The following SMARCAD1 variants were observed in gnomAD, a reference collection of about 807,000 sequenced individuals.
SMARCAD1 encodes the protein SNF2 related chromatin remodeling ATPase with DExD box 1, also known as SWI/SNF-related matrix-associated actin-dependent regulator of chromatin subfamily A containing DEAD/H box 1.
A neutral mutation model predicts 127.1 loss-of-function variants in SMARCAD1; 25 were observed. The observed-to-expected ratio is 0.20, with a 90% CI of 0.14 to 0.27. The LOEUF is 0.27. SMARCAD1 is among the 10% of genes least tolerant of loss of function. SMARCAD1 has a pLI of 1.00. For missense variants in SMARCAD1, 807 were observed against 1,206.0 expected (o/e 0.67, Z 4.90); for synonymous variants, 400 against 396.9 (o/e 1.01, Z -0.09).
At chr4:94,288,047 A>T (rs1283546013) in intron 23 of SMARCAD1, among the ~76,000 whole-genome samples, 1 of 152,008 alleles carries the variant, frequency 6.6e-6, no homozygotes, top group East Asian at 1.9e-4. Context: ...AAATACAGCG[A>T]TTTAACAGTT....
At chr4:94,258,502 A>G (rs1355734099) in intron 9 of SMARCAD1, among the ~76,000 whole-genome samples, 1 of 152,112 alleles carries the variant, frequency 6.6e-6, no homozygotes, top group East Asian at 1.9e-4. Flanking sequence ...CAGGAATCTT[A>G]TCACCTGCTC....
At chr4:94,258,376 A>G (rs1483602873) in intron 9 of SMARCAD1, among the ~76,000 whole-genome samples, 1 of 151,856 alleles carries the variant, frequency 6.6e-6, no homozygotes, top group Non-Finnish European at 1.5e-5. Context: ...GCTGGTCTTG[A>G]ACTCCTGACC....
At chr4:94,226,715 G>A (rs762848269) in intron 3 of SMARCAD1, among the ~76,000 whole-genome samples, 12 of 152,002 alleles carry the variant, frequency 7.9e-5, no homozygotes, top group Non-Finnish European at 1.5e-4. Flanking sequence ...AAATACAACA[G>A]TGAACAAACC....
chr4:94,259,376 ACT>A (rs146884256), intron 9 of SMARCAD1, among the ~76,000 whole-genome samples: 227 of 151,952 alleles, frequency 1.5e-3, no homozygotes, highest in African/African-American at 5.1e-3. Flanking sequence ...ATTCAATTAA[ACT>A]CTTTTTCCTT....
chr4:94,230,329 G>A (rs1345190553), intron 3 of SMARCAD1, among the ~76,000 whole-genome samples: 1 of 151,314 alleles, frequency 6.6e-6, no homozygotes, highest in Non-Finnish European at 1.5e-5. Flanking sequence ...CTACATGTGT[G>A]TATATTCATT....
At chr4:94,237,266 A>G (rs1157965232) in intron 5 of SMARCAD1, among the ~76,000 whole-genome samples, 4 of 152,142 alleles carry the variant, frequency 2.6e-5, no homozygotes, top group Non-Finnish European at 5.9e-5. Context: ...CTCTCTTTTT[A>G]AAGTATAATT....
chr4:94,208,145 A>G (rs977643924), intron 1 of SMARCAD1, 75 bp downstream of exon 1: 1 of 635,304 alleles, frequency 1.6e-6, no homozygotes, highest in Non-Finnish European at 2.9e-6. Context: ...GACGAAGGGG[A>G]GTGAAAAGCA....
rs574221125 is a variant in SMARCAD1, at chr4:94,249,277, T to G, written c.706-377T>G. Among the ~76,000 whole-genome samples the G allele has an allele frequency of 1.5e-4, 23 of 152,236 alleles. 1 individual carries two copies. The South Asian group carries it at 3.9e-3, about 26-fold the overall frequency. ...AAATTTATAGGTGGATATATAATAGTGAACATAGATGAGATATTTGTATCC... is the reference window on the plus strand; with the variant it reads ...AAATTTATAGGTGGATATATAATAGGGAACATAGATGAGATATTTGTATCC... On this transcript the variant is annotated intron_variant, in intron 6 of 23. Coordinates refer to ENST00000354268, the MANE Select transcript of SMARCAD1 (RefSeq NM_020159.5).
chr4:94,253,649 G>A lies in SMARCAD1; in HGVS notation c.1281+642G>A, dbSNP rs564056273. On this transcript the variant is annotated intron_variant, in intron 9 of 23. Transcript: ENST00000354268. ...TGGAAGCCTATAATTCAAGCGTTAG[G>A]TGAAGGGAAGGCATAAGCACTGGTA... 2.9e-6 allele frequency: 3 copies of A among 1,028,000 alleles called. No individual in the cohort carries two copies. In the Admixed American group the frequency reaches 1.5e-4, roughly 52 times the overall value. The allele number at this position is 1,028,000 out of a possible 1,614,324, so 63.7% of individuals were successfully genotyped here. A position where few individuals can be genotyped will look rare whatever the true frequency, so the allele number is the denominator to read the frequency against.
intron 3 of SMARCAD1, among the ~76,000 whole-genome samples, chr4:94,232,590 G>T (rs2632399): frequency 0.38 from 57,728 of 152,048 alleles, 11,966 homozygotes; most frequent in East Asian, 0.72. Context: ...AGGAAGAGGT[G>T]TATTTGCCTC....
intron 2 of SMARCAD1, among the ~76,000 whole-genome samples, chr4:94,215,368 C>T (rs1430105393): frequency 3.3e-5 from 5 of 152,022 alleles, no homozygotes; most frequent in Admixed American, 6.6e-5. Flanking sequence ...CCTGTAGAGT[C>T]GCAGCACTTT....
rs1229517841 is a variant in SMARCAD1 at position 94,208,399 on chromosome 4, A to G, written c.5A>G (p.Asn2Ser). 1.2e-6 allele frequency: 2 copies of G among 1,614,088 alleles called. No homozygotes were observed. The highest frequency in any genetic ancestry group is 1.1e-5 in the South Asian group (1 of 91,070). ...AAGGTGGTGCTTTCTACCAATATGA[A>G]TCTTTTCAACCTGGACCGTTTTCGC... M[N>S]LFNLDRFRFE... is the part of the protein sequence containing the mutation. The change falls in exon 2 of 24, where the codon AAT (asparagine) becomes AGT (serine). Residue 2 changes from asparagine to serine, a missense_variant. Around this residue, in one of 8 missense-constraint regions of SMARCAD1, gnomAD observed 175 missense variants for 169.5 expected, o/e 1.03. Transcript: ENST00000354268.
intron 2 of SMARCAD1, among the ~76,000 whole-genome samples, chr4:94,221,106 C>A (rs1744050595): frequency 6.6e-6 from 1 of 152,106 alleles, no homozygotes; most frequent in Admixed American, 6.5e-5. Context: ...GTGATAAAAC[C>A]CCAGTTTTCA....
chr4:94,263,289 T>G (rs1011593037), intron 9 of SMARCAD1, among the ~76,000 whole-genome samples: 4 of 152,118 alleles, frequency 2.6e-5, no homozygotes, highest in African/African-American at 9.7e-5. Flanking sequence ...AATTTTTGGT[T>G]GCATTTAAAA....
At chr4:94,243,444 G>C (rs894641384) in intron 6 of SMARCAD1, among the ~76,000 whole-genome samples, 1 of 152,096 alleles carries the variant, frequency 6.6e-6, no homozygotes, top group Non-Finnish European at 1.5e-5. Context: ...TTTAGGCTAG[G>C]TAAATCAGAT....
chr4:94,264,431 C>A, intron 9 of SMARCAD1: 1 of 286,584 alleles, frequency 3.5e-6, no homozygotes. Flanking sequence ...GAATAGCTGC[C>A]AGGGTCAAAG....
At chr4:94,288,570 G>GT (rs1351503992) in intron 23 of SMARCAD1, among the ~76,000 whole-genome samples, 2 of 151,782 alleles carry the variant, frequency 1.3e-5, no homozygotes, top group East Asian at 1.9e-4. Flanking sequence ...GTTTTGTTTT[G>GT]TTTTTTGTTT....
At chr4:94,258,325 T>A (rs1366614407) in intron 9 of SMARCAD1, among the ~76,000 whole-genome samples, 2 of 152,068 alleles carry the variant, frequency 1.3e-5, no homozygotes, top group Non-Finnish European at 2.9e-5. Context: ...CGGTTAATTT[T>A]TGTATTTTTA....
intron 22 of SMARCAD1, among the ~76,000 whole-genome samples, chr4:94,284,429 CAG>C (rs1409615882): frequency 4.0e-5 from 6 of 148,918 alleles, no homozygotes; most frequent in Non-Finnish European, 7.4e-5. Context: ...GTTTTTGAGA[CAG>C]AGCCTCACTC....
Sources: allele counts gnomAD v4.1 joint callset (sites outside exome capture counted in the v4.1 genomes callset), GRCh38; gene constraint gnomAD v4.1.1; regional missense constraint gnomAD v4.1.1; transcripts MANE v1.5; gene names NCBI Gene and HGNC (gene_info 2026-07-23, HGNC 2026-07-21).